Variants in TBC1D22A observed in about 807,000 individuals in gnomAD.
TBC1D22A encodes putative GTPase activator.
Under a neutral mutation model 60.2 loss-of-function variants are expected in TBC1D22A, and 38 were observed. That is an observed-to-expected ratio of 0.63 (90% CI 0.49 to 0.83). The LOEUF is 0.83. Ranked by LOEUF, TBC1D22A falls within the 40% of genes least tolerant of loss-of-function variation. The probability of loss-of-function intolerance (pLI) is 0.00; values close to 1 mark genes in which losing one functional copy is unlikely to be tolerated. For synonymous variants in TBC1D22A, 302 were observed against 281.7 expected, an observed-to-expected ratio of 1.07 and a Z score of -0.72; for missense variants, 628 against 701.0, an observed-to-expected ratio of 0.90 and a Z score of 1.18.
At chr22:47,069,285 G>T (rs570735062) in intron 11 of TBC1D22A, among the ~76,000 whole-genome samples, 95 of 152,358 alleles carry the variant, frequency 6.2e-4, no homozygotes, top group African/African-American at 2.1e-3. Context: ...ATATATTTTT[G>T]TTGCAAACAT....
chr22:46,876,455 A>G (rs1010217516), intron 4 of TBC1D22A, among the ~76,000 whole-genome samples: 8 of 152,302 alleles, frequency 5.3e-5, no homozygotes, highest in East Asian at 3.9e-4. Context: ...ATGTTCCTGT[A>G]TTTGGCCATC....
At chr22:47,096,785 G>A (rs1027912470) in intron 11 of TBC1D22A, among the ~76,000 whole-genome samples, 12 of 152,180 alleles carry the variant, frequency 7.9e-5, no homozygotes, top group Non-Finnish European at 1.6e-4. Flanking sequence ...TTGTGCCACA[G>A]CACTCCAGCC....
At chr22:46,890,317 G>A (rs976108654) in intron 5 of TBC1D22A, among the ~76,000 whole-genome samples, 3 of 152,088 alleles carry the variant, frequency 2.0e-5, no homozygotes, top group Admixed American at 2.0e-4. Flanking sequence ...CAGCCTGGGC[G>A]ACAGAGTGAG....
At chr22:47,076,534 TGTTTTGG>T (rs2064236132) in intron 11 of TBC1D22A, among the ~76,000 whole-genome samples, 1 of 151,752 alleles carries the variant, frequency 6.6e-6, no homozygotes, top group Non-Finnish European at 1.5e-5. Context: ...AATTGAACAG[TGTTTTGG>T]TAGGTGATTA....
chr22:47,059,979 G>A (rs140337549), intron 11 of TBC1D22A, among the ~76,000 whole-genome samples: 14 of 152,166 alleles, frequency 9.2e-5, no homozygotes, highest in East Asian at 5.8e-4. Context: ...TCGCACAGCC[G>A]CCCGATCTGC....
chr22:46,792,006 C>T (rs1740933917), intron 1 of TBC1D22A, among the ~76,000 whole-genome samples: 1 of 152,240 alleles, frequency 6.6e-6, no homozygotes, highest in Non-Finnish European at 1.5e-5. Context: ...GGTGATCCGC[C>T]CGCCTTGGCC....
chr22:47,160,324 C>T (rs949284963), intron 12 of TBC1D22A, among the ~76,000 whole-genome samples: 3 of 152,208 alleles, frequency 2.0e-5, no homozygotes, highest in Non-Finnish European at 2.9e-5. Context: ...AGGGGCCCTC[C>T]CTTGCCGCTC....
intron 4 of TBC1D22A, among the ~76,000 whole-genome samples, chr22:46,864,880 G>A (rs1008704139): frequency 3.3e-5 from 5 of 152,118 alleles, no homozygotes; most frequent in African/African-American, 1.2e-4. Context: ...TGGCGTGATC[G>A]ACCGAGTGAG....
At chr22:46,904,130 T>TCTGCCTAC (rs1207567568) in intron 7 of TBC1D22A, among the ~76,000 whole-genome samples, 45 of 96,708 alleles carry the variant, frequency 4.7e-4, no homozygotes, top group African/African-American at 2.3e-3. Context: ...TATCTATCTA[T>TCTGCCTAC]CTATCTATCT....
intron 7 of TBC1D22A, among the ~76,000 whole-genome samples, chr22:46,902,323 A>G (rs1319690362): frequency 6.6e-6 from 1 of 152,264 alleles, no homozygotes; most frequent in Non-Finnish European, 1.5e-5. Context: ...GTTGAGTATT[A>G]ACTGATTTGC....
At chr22:47,170,063 G>A (rs1449220221) in intron 12 of TBC1D22A, among the ~76,000 whole-genome samples, 1 of 152,202 alleles carries the variant, frequency 6.6e-6, no homozygotes, top group South Asian at 2.1e-4. Context: ...AGGAGACGAC[G>A]TGGCCTAGTG....
intron 12 of TBC1D22A, among the ~76,000 whole-genome samples, chr22:47,158,895 A>G (rs1424677561): frequency 1.3e-5 from 2 of 151,846 alleles, no homozygotes; most frequent in Non-Finnish European, 2.9e-5. Flanking sequence ...ACACACACAC[A>G]CCACAGTTAC....
intron 10 of TBC1D22A, among the ~76,000 whole-genome samples, chr22:47,033,091 C>G (rs2062535141): frequency 1.3e-5 from 2 of 152,240 alleles, no homozygotes; most frequent in African/African-American, 2.4e-5. Context: ...GAGTCATTTT[C>G]TAAACAGCTG....
At chr22:47,044,284 C>T (rs2062958466) in intron 11 of TBC1D22A, among the ~76,000 whole-genome samples, 1 of 152,246 alleles carries the variant, frequency 6.6e-6, no homozygotes. Context: ...TGGCCACTCA[C>T]TTCCTCCACC....
At chr22:47,064,618 C>T (rs899452087) in intron 11 of TBC1D22A, among the ~76,000 whole-genome samples, 2 of 152,238 alleles carry the variant, frequency 1.3e-5, no homozygotes, top group African/African-American at 2.4e-5. Context: ...ACTGCCCCCT[C>T]GTCCTCCTCA....
At chr22:47,017,897 A>G (rs907371443) in intron 10 of TBC1D22A, among the ~76,000 whole-genome samples, 8 of 152,246 alleles carry the variant, frequency 5.3e-5, no homozygotes, top group African/African-American at 1.9e-4. Flanking sequence ...TGCCCAAGTA[A>G]CTTTGTCCTG....
In TBC1D22A at chr22:47,049,222, C is replaced by G. The variant is rs946145133; in HGVS notation, c.1329+12024C>G. 5.9e-5 allele frequency among the ~76,000 whole-genome samples: 9 copies of G among 152,234 alleles called. No individual in the cohort carries two copies. The East Asian group carries it at 1.7e-3, about 29-fold the overall frequency. On this transcript the variant is annotated intron_variant, in intron 11 of 12. Transcript: ENST00000337137. ...TCAGACGGTTTCCTGGGCCAACCTT[C>G]GGCTTTGCGCCACTGTTCCAGTATT...
At chr22:47,130,333 C>T (rs540747805) in intron 12 of TBC1D22A, among the ~76,000 whole-genome samples, 2 of 152,332 alleles carry the variant, frequency 1.3e-5, no homozygotes, top group South Asian at 2.1e-4. Context: ...GGGCTCCCCC[C>T]AAGCGCAGCC....
chr22:47,001,606 G>T (rs145385161), intron 10 of TBC1D22A, among the ~76,000 whole-genome samples: 30 of 152,288 alleles, frequency 2.0e-4, no homozygotes, highest in Middle Eastern at 3.4e-3. Flanking sequence ...GTGGATGATT[G>T]TAAGTGGGTA....
Sources: allele counts gnomAD v4.1 joint callset (sites outside exome capture counted in the v4.1 genomes callset), GRCh38; gene constraint gnomAD v4.1.1; transcripts MANE v1.5; gene names NCBI Gene and HGNC (gene_info 2026-07-23, HGNC 2026-07-21).